The following DKK2 variants were observed in gnomAD, a reference collection of about 807,000 sequenced individuals.
DKK2 encodes the protein dickkopf Wnt signaling pathway inhibitor 2.
Under a neutral mutation model 28.1 loss-of-function variants are expected in DKK2, and 11 were observed. The ratio of observed to expected loss-of-function variants is 0.39; its 90% CI spans 0.25 to 0.65. The LOEUF is 0.65. DKK2 is among the 30% of genes least tolerant of loss of function. The pLI is 0.47. For missense variants in DKK2, 326 were observed against 335.5 expected (o/e 0.97, Z 0.22); for synonymous variants, 135 against 126.5 (o/e 1.07, Z -0.45).
chr4:107,004,927 AG>A (rs1444590646), intron 1 of DKK2, among the ~76,000 whole-genome samples: 1 of 152,192 alleles, frequency 6.6e-6, no homozygotes, highest in African/African-American at 2.4e-5. Context: ...CCAGGAGCTG[AG>A]GGATGTGGGA....
chr4:106,926,065 A>G, intron 1 of DKK2, 116 bp from the exon 2 acceptor site: 1 of 1,128,046 alleles, frequency 8.9e-7, no homozygotes, highest in Non-Finnish European at 1.2e-6. Flanking sequence ...ACCCGGAAGG[A>G]ACTATACCAT....
chr4:106,964,731 T>C (rs1353092397), intron 1 of DKK2, among the ~76,000 whole-genome samples: 1 of 152,148 alleles, frequency 6.6e-6, no homozygotes, highest in Admixed American at 6.6e-5. Context: ...ATAATGTTGA[T>C]GGGACTCATC....
intron 1 of DKK2, among the ~76,000 whole-genome samples, chr4:106,986,955 T>C (rs1479990623): frequency 6.6e-6 from 1 of 152,238 alleles, no homozygotes; most frequent in African/African-American, 2.4e-5. Flanking sequence ...GCCATAATCA[T>C]GACCACATAC....
At chr4:106,957,731 C>T (rs1722617243) in intron 1 of DKK2, among the ~76,000 whole-genome samples, 1 of 114,696 alleles carries the variant, frequency 8.7e-6, no homozygotes, top group African/African-American at 3.5e-5. Flanking sequence ...GGAAGGGGAA[C>T]ATCACACTCT....
At chr4:106,983,069 GAAAA>G (rs556499036) in intron 1 of DKK2, among the ~76,000 whole-genome samples, 212 of 150,586 alleles carry the variant, frequency 1.4e-3, no homozygotes, top group Non-Finnish European at 2.6e-3. Flanking sequence ...AAGAAAGAAA[GAAAA>G]AAGAAAGAAA....
chr4:106,932,539 A>G (rs768565651), intron 1 of DKK2, among the ~76,000 whole-genome samples: 4 of 152,122 alleles, frequency 2.6e-5, no homozygotes, highest in South Asian at 2.1e-4. Flanking sequence ...GCTCCTAGAG[A>G]TATCTAAACT....
chr4:107,029,385 T>C (rs1723843019), intron 1 of DKK2, among the ~76,000 whole-genome samples: 1 of 152,216 alleles, frequency 6.6e-6, no homozygotes, highest in Non-Finnish European at 1.5e-5. Flanking sequence ...CTCAGGAATG[T>C]CTTTTTTATT....
Position 107,013,980 on chromosome 4 carries a change from A to G in DKK2, c.222+21390T>C, listed in dbSNP as rs1052045411. On this transcript the variant is annotated intron_variant, in intron 1 of 3. Coordinates refer to ENST00000285311, the MANE Select transcript of DKK2 (RefSeq NM_014421.3). ...GCAGAGAATGGCTACTATCAAAAAG[A>G]CAAAATAACAAATACCGGCAAGGAT... is the stretch of plus-strand genomic sequence containing the variant. Among the ~76,000 whole-genome samples the G allele has an allele frequency of 2.6e-5, 4 of 151,588 alleles. No homozygotes were observed. The East Asian group carries it at 5.8e-4, about 22-fold the overall frequency.
intron 1 of DKK2, among the ~76,000 whole-genome samples, chr4:107,031,490 A>G (rs978756048): frequency 6.6e-6 from 1 of 152,022 alleles, no homozygotes; most frequent in Non-Finnish European, 1.5e-5. Context: ...AATGAATTTC[A>G]AGAATTCTTT....
intron 1 of DKK2, among the ~76,000 whole-genome samples, chr4:107,004,961 T>C (rs1229402080): frequency 6.6e-6 from 1 of 152,040 alleles, no homozygotes; most frequent in Non-Finnish European, 1.5e-5. Flanking sequence ...CTGGAAAACA[T>C]AAGGAAATGA....
At chr4:106,976,995 T>G (rs950492055) in intron 1 of DKK2, among the ~76,000 whole-genome samples, 3 of 152,196 alleles carry the variant, frequency 2.0e-5, no homozygotes, top group Non-Finnish European at 4.4e-5. Context: ...CCTTCACTTA[T>G]GAAGCTTAGT....
chr4:106,945,810 A>G (rs1465133516), intron 1 of DKK2, among the ~76,000 whole-genome samples: 1 of 152,128 alleles, frequency 6.6e-6, no homozygotes, highest in East Asian at 1.9e-4. Flanking sequence ...TAACACAAAA[A>G]TTGTCTGGGA....
At chr4:107,003,130 CCT>C (rs1267303738) in intron 1 of DKK2, among the ~76,000 whole-genome samples, 5 of 152,088 alleles carry the variant, frequency 3.3e-5, no homozygotes, top group Non-Finnish European at 5.9e-5. Flanking sequence ...ATGTTCCTTG[CCT>C]CTCTCTTAGT....
chr4:106,997,016 G>A (rs1723281789), intron 1 of DKK2, among the ~76,000 whole-genome samples: 2 of 152,152 alleles, frequency 1.3e-5, no homozygotes, highest in East Asian at 1.9e-4. Flanking sequence ...CTCCAAATTG[G>A]CACAGAATTG....
intron 1 of DKK2, among the ~76,000 whole-genome samples, chr4:107,031,925 C>G (rs1394124349): frequency 6.6e-6 from 1 of 151,818 alleles, no homozygotes; most frequent in African/African-American, 2.4e-5. Flanking sequence ...CATACTTCAT[C>G]AAAATATATT....
At chr4:106,933,356 C>G (rs1049115817) in intron 1 of DKK2, among the ~76,000 whole-genome samples, 3 of 152,210 alleles carry the variant, frequency 2.0e-5, no homozygotes, top group South Asian at 4.1e-4. Flanking sequence ...GAGAGGCTCA[C>G]TGACAATAAC....
At chr4:106,972,173 G>C (rs1486978465) in intron 1 of DKK2, among the ~76,000 whole-genome samples, 1 of 151,936 alleles carries the variant, frequency 6.6e-6, no homozygotes, top group Non-Finnish European at 1.5e-5. Flanking sequence ...CTGAAACCTA[G>C]AGAATTATGT....
intron 1 of DKK2, among the ~76,000 whole-genome samples, chr4:106,937,300 A>C (rs1578348576): frequency 7.2e-6 from 1 of 138,032 alleles, no homozygotes; most frequent in East Asian, 2.2e-4. Context: ...AAACAAAAAA[A>C]GGCAGGGGTT....
At chr4:106,961,502 A>G (rs1258058702) in intron 1 of DKK2, among the ~76,000 whole-genome samples, 2 of 152,144 alleles carry the variant, frequency 1.3e-5, no homozygotes, top group East Asian at 3.9e-4. Flanking sequence ...ATAACAATAA[A>G]TTTTAAAATG....
Sources: gnomAD v4.1 joint callset for allele counts (sites outside exome capture counted in the v4.1 genomes callset) on GRCh38, gnomAD v4.1.1 for gene constraint, MANE v1.5 for transcripts, NCBI Gene and HGNC (gene_info 2026-07-23, HGNC 2026-07-21) for gene names.